Variants in PDZRN3 observed in about 807,000 individuals in gnomAD.
PDZRN3 encodes the protein PDZ domain containing ring finger 3.
PDZRN3 carries 38 observed loss-of-function variants against 85.7 expected under a neutral mutation model. That is an observed-to-expected ratio of 0.44 (90% CI 0.34 to 0.58). PDZRN3 has a LOEUF of 0.58. Among genes scored for constraint, PDZRN3 ranks in the 20% least tolerant of loss-of-function variants. The pLI, the probability that PDZRN3 is intolerant of heterozygous loss-of-function variation, is 0.01. For missense variants in PDZRN3, 1,629 were observed against 1,506.4 expected, an observed-to-expected ratio of 1.08 and a Z score of -1.35; for synonymous variants, 759 against 638.0, an observed-to-expected ratio of 1.19 and a Z score of -2.86.
intron 3 of PDZRN3, among the ~76,000 whole-genome samples, chr3:73,423,084 G>A (rs1302492699): frequency 1.3e-5 from 2 of 152,208 alleles, no homozygotes; most frequent in East Asian, 3.9e-4. Context: ...CTAGATAAAA[G>A]GAACTTAATT....
At chr3:73,440,028 G>A (rs1056803958) in intron 3 of PDZRN3, among the ~76,000 whole-genome samples, 2 of 151,330 alleles carry the variant, frequency 1.3e-5, no homozygotes, top group Non-Finnish European at 2.9e-5. Context: ...ATGAGCCACC[G>A]CGCCCAGACT....
chr3:73,443,479 C>CTTT (rs768320565), intron 3 of PDZRN3, among the ~76,000 whole-genome samples: 3,438 of 47,798 alleles, frequency 0.072, 377 homozygotes, highest in African/African-American at 0.16. Context: ...TTTCCTTTTT[C>CTTT]TTTTTTTTTT....
At chr3:73,541,233 A>G (rs1704914060) in intron 3 of PDZRN3, among the ~76,000 whole-genome samples, 1 of 152,198 alleles carries the variant, frequency 6.6e-6, no homozygotes, top group South Asian at 2.1e-4. Flanking sequence ...GACTTTAGAA[A>G]TATTTTTTTC....
At chr3:73,566,889 C>G (rs867360181) in intron 3 of PDZRN3, among the ~76,000 whole-genome samples, 1 of 152,144 alleles carries the variant, frequency 6.6e-6, no homozygotes, top group African/African-American at 2.4e-5. Flanking sequence ...GGAGACTACT[C>G]CAACATGCTA....
In PDZRN3 at chr3:73,384,573, A is replaced by G; in HGVS notation, c.1993T>C (p.Tyr665His). ...QVKSATPYGL[Y>H]YPSGPLDAGK... ...GCGTCCAGGGGGCCGCTAGGGTAGT[A>G]CAGGCCGTAAGGGGTGGCGCTCTTC... The change falls in exon 10 of 10, where the codon TAC becomes CAC. Residue 665 changes from tyrosine to histidine, a missense_variant. Tyr to His is a moderately conservative substitution (Grantham distance 83, BLOSUM62 2). Transcript: ENST00000263666. 1 of 1,613,640 alleles carries G rather than the reference A, an allele frequency of 6.2e-7. No homozygotes were observed. Among genetic ancestry groups the G allele is most frequent in the East Asian group, 2.2e-5 (1 of 44,838 alleles).
At chr3:73,540,095 A>G (rs1704881249) in intron 3 of PDZRN3, among the ~76,000 whole-genome samples, 1 of 150,230 alleles carries the variant, frequency 6.7e-6, no homozygotes. Context: ...ATGAAAAAAA[A>G]AAAAAAAAAA....
Position 73,390,635 on chromosome 3 carries a change from A to AT in PDZRN3, c.1353+382dup, listed in dbSNP as rs1553683087. ...ATATACTCCACCAAGAGAAAAAAAA[A>AT]TGTGTGTGTGTGTGTGTGTGAGAGA... is the stretch of plus-strand genomic sequence containing the variant. On this transcript the variant is annotated intron_variant, in intron 6 of 9. Transcript: ENST00000263666. 8.6e-5 allele frequency among the ~76,000 whole-genome samples: 12 copies of AT among 139,464 alleles called. No individual in the cohort carries two copies. In the East Asian group the frequency reaches 1.5e-3, roughly 18 times the overall value. The allele number at this position is 139,464 out of a possible 152,430, so 91.5% of individuals were successfully genotyped here. A position where few individuals can be genotyped will look rare whatever the true frequency, so the allele number is the denominator to read the frequency against.
chr3:73,392,814 A>G (rs777667648), intron 5 of PDZRN3, among the ~76,000 whole-genome samples: 3 of 152,182 alleles, frequency 2.0e-5, no homozygotes, highest in Non-Finnish European at 4.4e-5. Flanking sequence ...TTAATTTCTG[A>G]TAATTAAGTG....
At chr3:73,385,410 A>G (rs549115192) in intron 9 of PDZRN3, among the ~76,000 whole-genome samples, 1 of 152,218 alleles carries the variant, frequency 6.6e-6, no homozygotes, top group African/African-American at 2.4e-5. Context: ...GCCAACGCAT[A>G]TGTTTTCCAA....
chr3:73,389,711 G>A, intron 7 of PDZRN3, 105 bp downstream of exon 7: 2 of 832,702 alleles, frequency 2.4e-6, no homozygotes, highest in Non-Finnish European at 4.2e-6. Context: ...TGTGATCCCT[G>A]TTCTTTAACC....
chr3:73,591,359 G>A (rs1017283801), intron 3 of PDZRN3, among the ~76,000 whole-genome samples: 3 of 152,172 alleles, frequency 2.0e-5, no homozygotes, highest in Non-Finnish European at 4.4e-5. Flanking sequence ...GAATTACCAT[G>A]TTGTTCACAC....
chr3:73,431,928 T>C (rs920514964), intron 3 of PDZRN3, among the ~76,000 whole-genome samples: 3 of 152,178 alleles, frequency 2.0e-5, no homozygotes, highest in Non-Finnish European at 2.9e-5. Flanking sequence ...TTCACTTAGA[T>C]TTGCCAGAGA....
At chr3:73,497,553 G>A (rs4677291) in intron 3 of PDZRN3, among the ~76,000 whole-genome samples, 144,324 of 152,312 alleles carry the variant, frequency 0.95, 68,837 homozygotes, top group East Asian at 1. Context: ...AGAATTAAAG[G>A]TGATTATTGC....
chr3:73,425,160 G>A (rs1466474176), intron 3 of PDZRN3, among the ~76,000 whole-genome samples: 1 of 151,812 alleles, frequency 6.6e-6, no homozygotes, highest in Non-Finnish European at 1.5e-5. Flanking sequence ...GACCACAGGT[G>A]CCTGCCACCA....
chr3:73,383,843 T>A lies in PDZRN3; in HGVS notation c.2723A>T (p.Asp908Val). The A allele has an allele frequency of 6.2e-7, 1 of 1,613,870 alleles. No homozygotes were observed. The highest frequency in any genetic ancestry group is 8.5e-7 in the Non-Finnish European group (1 of 1,180,016). Residue 908 changes from aspartate (D) to valine (V), a missense_variant, in exon 10 of 10, where the codon GAC becomes GTC. Transcript: ENST00000263666. ...SQMSLVSMCK[D>V]LSSPTPSEPR... ...CTCCGACGGGGTGGGAGAGCTCAGGTCCTTGCACATGCTCACCAGGCTCAT... is the reference window on the plus strand; with the variant it reads ...CTCCGACGGGGTGGGAGAGCTCAGGACCTTGCACATGCTCACCAGGCTCAT...
intron 3 of PDZRN3, among the ~76,000 whole-genome samples, chr3:73,548,141 C>T (rs914095694): frequency 7.2e-5 from 11 of 152,140 alleles, no homozygotes; most frequent in African/African-American, 1.9e-4. Flanking sequence ...AACAACCCCG[C>T]GCCCACACCC....
At position 73,547,988 on chromosome 3, in the gene PDZRN3, A is replaced by T. The variant is rs183245360; in HGVS notation, c.918+54366T>A. 8.2e-4 allele frequency among the ~76,000 whole-genome samples: 125 copies of T among 152,348 alleles called. 1 individual carries two copies. Among genetic ancestry groups the T allele is most frequent in the African/African-American group, 2.9e-3 (121 of 41,580 alleles). ...CTACATGTAAATGAATCAGAAACAT[A>T]TGGATTTCATTTCCTTCATAATACA... On this transcript the variant is annotated intron_variant, in intron 3 of 9. Coordinates refer to ENST00000263666, the MANE Select transcript of PDZRN3 (RefSeq NM_015009.3).
chr3:73,527,554 C>G (rs544962369), intron 3 of PDZRN3, among the ~76,000 whole-genome samples: 1 of 152,132 alleles, frequency 6.6e-6, no homozygotes, highest in African/African-American at 2.4e-5. Flanking sequence ...TGACTGTCAG[C>G]CTCGCTATTT....
intron 1 of PDZRN3, among the ~76,000 whole-genome samples, chr3:73,617,679 C>T (rs923649781): frequency 6.6e-6 from 1 of 152,230 alleles, no homozygotes; most frequent in South Asian, 2.1e-4. Flanking sequence ...ATATTCCATC[C>T]AGGACATCAT....
Sources: gnomAD v4.1 joint callset for allele counts (sites outside exome capture counted in the v4.1 genomes callset) on GRCh38, gnomAD v4.1.1 for gene constraint, MANE v1.5 for transcripts, NCBI Gene and HGNC (gene_info 2026-07-23, HGNC 2026-07-21) for gene names.